PCDH11Y: variants seen among roughly 807,000 people sequenced by gnomAD.
PCDH11Y encodes protocadherin-11 Y-linked.
For synonymous variants in PCDH11Y, 9 were observed against 83.6 expected (o/e 0.11, Z 4.87); for missense variants, 12 against 224.8 (o/e 0.05, Z 6.05).
chrY:5,361,727 C>A, intron 2 of PCDH11Y, among the ~76,000 whole-genome samples: 1 of 31,211 alleles, frequency 3.2e-5, no homozygotes, highest in East Asian at 8.3e-4. Flanking sequence ...CTCCACTATG[C>A]CCAGTTAGTC....
intron 2 of PCDH11Y, among the ~76,000 whole-genome samples, chrY:5,482,754 T>G: frequency 3.4e-5 from 1 of 29,438 alleles, no homozygotes; most frequent in South Asian, 8.2e-4. Context: ...CATTTAAATT[T>G]TAAGCAATTG....
chrY:5,567,963 C>T (rs2053436861), intron 3 of PCDH11Y, among the ~76,000 whole-genome samples: 1 of 31,309 alleles, frequency 3.2e-5, no homozygotes, highest in Admixed American at 3.1e-4. Context: ...TTTACACAAA[C>T]AGGCATAGTT....
chrY:5,212,389 A>G (rs2052940087), intron 2 of PCDH11Y, among the ~76,000 whole-genome samples: 1 of 30,782 alleles, frequency 3.2e-5, no homozygotes, highest in Non-Finnish European at 7.8e-5. Flanking sequence ...GAAAGACCCA[A>G]TGGTCTTTCC....
chrY:5,029,208 A>T, intron 1 of PCDH11Y, among the ~76,000 whole-genome samples: 3 of 32,814 alleles, frequency 9.1e-5, no homozygotes, highest in Non-Finnish European at 2.2e-4. Context: ...TCAATTAAAA[A>T]TTTTTTATGA....
intron 2 of PCDH11Y, among the ~76,000 whole-genome samples, chrY:5,255,977 T>C (rs2053010392): frequency 3.1e-5 from 1 of 32,771 alleles, no homozygotes; most frequent in African/African-American, 1.2e-4. Flanking sequence ...AAATATTTTC[T>C]CCCATTCTGT....
intron 2 of PCDH11Y, chrY:5,338,986 T>G (rs2053141974): frequency 6.2e-6 from 1 of 161,175 alleles, no homozygotes; most frequent in Admixed American, 1.1e-4. Context: ...ACTAGCCTTT[T>G]TATCTATTTT....
At chrY:5,658,817 T>A in intron 4 of PCDH11Y, among the ~76,000 whole-genome samples, 1 of 33,495 alleles carries the variant, frequency 3.0e-5, no homozygotes, top group Non-Finnish European at 7.4e-5. Flanking sequence ...TGGTCCCTGA[T>A]GACTTATTTA....
chrY:5,185,079 T>TTTG (rs2052904974), intron 2 of PCDH11Y, among the ~76,000 whole-genome samples: 1 of 32,286 alleles, frequency 3.1e-5, no homozygotes, highest in Non-Finnish European at 7.6e-5. Context: ...ACTTTGTTTG[T>TTTG]TTGTTGTTGT....
chrY:5,047,619 A>G, intron 3 of PCDH11Y, among the ~76,000 whole-genome samples: 1 of 33,846 alleles, frequency 3.0e-5, no homozygotes, highest in South Asian at 6.4e-4. Context: ...AGTATAAAGA[A>G]TATTGCTAAA....
intron 3 of PCDH11Y, among the ~76,000 whole-genome samples, chrY:5,563,430 G>A: frequency 3.0e-5 from 1 of 33,127 alleles, no homozygotes. Context: ...TAAAATTTTG[G>A]AACAGTATAA....
chrY:5,154,087 GA>G (rs2052866798), intron 2 of PCDH11Y, among the ~76,000 whole-genome samples: 10 of 25,410 alleles, frequency 3.9e-4, no homozygotes, highest in African/African-American at 6.1e-4. Context: ...TTCTTTCTCA[GA>G]AAAAAAAAAA....
intron 1 of PCDH11Y, among the ~76,000 whole-genome samples, chrY:5,082,588 G>A (rs2524499): frequency 6.0e-5 from 2 of 33,104 alleles, no homozygotes; most frequent in Admixed American, 5.5e-4. Flanking sequence ...TCAGGGATTC[G>A]ATTTCTTCCT....
intron 1 of PCDH11Y, chrY:5,031,778 T>G (rs1569474276): frequency 3.0e-5 from 1 of 33,564 alleles, no homozygotes; most frequent in East Asian, 7.8e-4. Flanking sequence ...TTTTCTTGAT[T>G]TGTAGCCGTT....
chrY:5,110,550 C>CT (rs2052801812), intron 2 of PCDH11Y, among the ~76,000 whole-genome samples: 1 of 33,281 alleles, frequency 3.0e-5, no homozygotes, highest in African/African-American at 1.2e-4. Context: ...TTAGAGAAAA[C>CT]TTTAAGTAAT....
chrY:5,357,233 G>A (rs1602910664), intron 2 of PCDH11Y, among the ~76,000 whole-genome samples: 155 of 16,658 alleles, frequency 9.3e-3, no homozygotes, highest in Admixed American at 0.022. Context: ...ATATATATAC[G>A]TGTATATATA....
intron 4 of PCDH11Y, among the ~76,000 whole-genome samples, chrY:5,668,795 CTTG>C (rs2053546894): frequency 3.4e-5 from 1 of 29,326 alleles, no homozygotes; most frequent in Non-Finnish European, 8.2e-5. Flanking sequence ...CTGTAAAATA[CTTG>C]TTAAGAAAAC....
In PCDH11Y at chrY:5,340,609, A is replaced by G. The variant is rs200095206; in HGVS notation, c.3130-160448A>G. On this transcript the variant is annotated intron_variant, in intron 2 of 4. Transcript: ENST00000400457. Reference sequence around the variant, plus strand: ...TGTAAAGTGTATACTCTGCAGCAGCATGTTTGTAAGGTGTGTAAATGTGAG... The same window carrying G: ...TGTAAAGTGTATACTCTGCAGCAGCGTGTTTGTAAGGTGTGTAAATGTGAG... Among the ~76,000 whole-genome samples, 21 of 33,817 alleles carry G rather than the reference A, an allele frequency of 6.2e-4. No homozygotes were observed. The East Asian group carries it at 0.015, about 24-fold the overall frequency. The allele number at this position is 33,817 out of a possible 37,273, so 90.7% of individuals were successfully genotyped here.
At chrY:5,385,312 C>G in intron 2 of PCDH11Y, among the ~76,000 whole-genome samples, 1 of 30,119 alleles carries the variant, frequency 3.3e-5, no homozygotes, top group South Asian at 7.9e-4. Context: ...ACCCTTTCCC[C>G]CTGAGTCCCA....
At chrY:5,535,841 C>T in intron 3 of PCDH11Y, among the ~76,000 whole-genome samples, 1 of 33,543 alleles carries the variant, frequency 3.0e-5, no homozygotes, top group Admixed American at 2.7e-4. Flanking sequence ...CTAGTTTACA[C>T]TCCCACCAAC....
Sources: allele counts gnomAD v4.1 joint callset (sites outside exome capture counted in the v4.1 genomes callset), GRCh38; gene constraint gnomAD v4.1.1; transcripts MANE v1.5; gene names NCBI Gene and HGNC (gene_info 2026-07-23, HGNC 2026-07-21).